Variants in PLA2G2C observed in about 807,000 individuals in gnomAD.
PLA2G2C encodes the protein phospholipase A2 group IIC, also known as putative inactive group IIC secretory phospholipase A2.
Under a neutral mutation model 14.3 loss-of-function variants are expected in PLA2G2C, and 15 were observed. That is an observed-to-expected ratio of 1.05 (90% confidence interval 0.70 to 1.62). The LOEUF is 1.62. PLA2G2C is among the 40% of genes most tolerant of loss of function. The pLI, the probability that PLA2G2C is intolerant of heterozygous loss-of-function variation, is 0.00. For synonymous variants in PLA2G2C, 79 were observed against 67.7 expected, an observed-to-expected ratio of 1.17 and a Z score of -0.82; for missense variants, 162 against 173.2, an observed-to-expected ratio of 0.94 and a Z score of 0.36.
In PLA2G2C at chr1:20,172,797, C is replaced by T. The variant is rs61745169; in HGVS notation, c.280G>A (p.Val94Ile). 10 of 1,613,064 alleles carry T rather than the reference C, an allele frequency of 6.2e-6. No homozygotes were observed. Among genetic ancestry groups the T allele is most frequent in the Non-Finnish European group, 8.5e-6 (10 of 1,179,356 alleles). Residue 94 changes from valine (V) to isoleucine (I), a missense_variant, in exon 4 of 5, where the codon GTT (valine) becomes ATT (isoleucine). Coordinates refer to ENST00000679259, the MANE Select transcript of PLA2G2C (RefSeq NM_001367969.2). Reference sequence around the variant, plus strand: ...CCATACAGAAAAGGCTACTCACAAACCACTGCGCCATTGACGATGTGGAAC... The same window carrying T: ...CCATACAGAAAAGGCTACTCACAAATCACTGCGCCATTGACGATGTGGAAC... ...YQFHIVNGAV[V>I]CGCTLGPGAS...
At chr1:20,172,504 G>A (rs2018102332) in intron 4 of PLA2G2C, among the ~76,000 whole-genome samples, 1 of 152,164 alleles carries the variant, frequency 6.6e-6, no homozygotes, top group African/African-American at 2.4e-5. Context: ...GTTGTCAAGG[G>A]AAGCTTCAAG....
At chr1:20,182,386 G>T (rs1395265348) in intron 1 of PLA2G2C, among the ~76,000 whole-genome samples, 1 of 152,164 alleles carries the variant, frequency 6.6e-6, no homozygotes, top group Non-Finnish European at 1.5e-5. Flanking sequence ...TTGCCATTGT[G>T]TTACAGTATT....
At chr1:20,176,253 A>C (rs2018182071) in intron 2 of PLA2G2C, among the ~76,000 whole-genome samples, 1 of 152,006 alleles carries the variant, frequency 6.6e-6, no homozygotes, top group African/African-American at 2.4e-5. Context: ...GGTGTTTTGA[A>C]TGTGTGTGGG....
chr1:20,168,456 G>T (rs1049201658), intron 4 of PLA2G2C, among the ~76,000 whole-genome samples: 1 of 152,160 alleles, frequency 6.6e-6, no homozygotes, highest in African/African-American at 2.4e-5. Context: ...TTGCTCTCAC[G>T]GACCTTTCTA....
At chr1:20,179,641 T>G (rs1010088669) in intron 1 of PLA2G2C, among the ~76,000 whole-genome samples, 4 of 147,024 alleles carry the variant, frequency 2.7e-5, no homozygotes, top group Non-Finnish European at 6.0e-5. Context: ...GTGTGTGTGT[T>G]AGCTTGTCCC....
At chr1:20,172,008 C>G (rs1231039257) in intron 4 of PLA2G2C, among the ~76,000 whole-genome samples, 1 of 151,808 alleles carries the variant, frequency 6.6e-6, no homozygotes, top group Non-Finnish European at 1.5e-5. Context: ...CGTGATCCGC[C>G]CGCCTCGGCC....
chr1:20,169,870 C>T lies in PLA2G2C; in HGVS notation c.283+2924G>A, dbSNP rs1171337260. Among the ~76,000 whole-genome samples, 3 of 152,364 alleles carry T rather than the reference C, an allele frequency of 2.0e-5. No homozygotes were observed. The East Asian group carries it at 5.8e-4, about 29-fold the overall frequency. On this transcript the variant is annotated intron_variant, in intron 4 of 4. Transcript: ENST00000679259. ...CTCCGGGGCCTTACAGCGAAGCAAA[C>T]TCCATCTGCCCCTCTTTCCTTCCCT...
chr1:20,163,760 T>A lies in PLA2G2C; in HGVS notation c.*231A>T. On this transcript the variant is annotated 3_prime_UTR_variant, in exon 5 of 5. Transcript: ENST00000679259. ...CCTCCCCACTCCACAGAATGCCAGC[T>A]CCTGCAGGGCAGGCATCTCATCTTT... 2 of 528,060 alleles carry A rather than the reference T, an allele frequency of 3.8e-6. No homozygotes were observed. The highest frequency in any genetic ancestry group is 6.7e-6 in the Non-Finnish European group (2 of 299,020). 32.7% of individuals were successfully genotyped at this position (528,060 alleles called of 1,614,324 possible).
At position 20,163,384 on chromosome 1, in the gene PLA2G2C, C is replaced by T. The variant is rs2017902916; in HGVS notation, c.*607G>A. ...CTCCCACAACATTCTATTGACCAAACTAAGCCACAAGACCAGTTCAGATTC... is the reference window on the plus strand; with the variant it reads ...CTCCCACAACATTCTATTGACCAAATTAAGCCACAAGACCAGTTCAGATTC... On this transcript the variant is annotated 3_prime_UTR_variant, in exon 5 of 5. Coordinates refer to ENST00000679259, the MANE Select transcript of PLA2G2C (RefSeq NM_001367969.2). 1 of 152,392 alleles carries T rather than the reference C, an allele frequency of 6.6e-6. No homozygotes were observed. The highest frequency in any genetic ancestry group is 1.5e-5 in the Non-Finnish European group (1 of 68,186). The allele number at this position is 152,392 out of a possible 1,614,324, so 9.4% of individuals were successfully genotyped here.
chr1:20,179,521 CTGTGTGTG>C (rs35039220), intron 1 of PLA2G2C, among the ~76,000 whole-genome samples: 4 of 136,514 alleles, frequency 2.9e-5, no homozygotes, highest in African/African-American at 1.1e-4. Flanking sequence ...ATGTCAGTTT[CTGTGTGTG>C]TGTGTGTGTG....
In PLA2G2C at chr1:20,172,801, T is replaced by C. The variant is rs760036027; in HGVS notation, c.276A>G (p.Ala92=). 6.2e-7 allele frequency: 1 copy of C among 1,613,384 alleles called. No individual in the cohort carries two copies. The highest frequency in any genetic ancestry group is 8.5e-7 in the Non-Finnish European group (1 of 1,179,444). The change falls in exon 4 of 5, where the codon GCA becomes GCG. Residue 92 remains alanine (A), a synonymous_variant. Coordinates refer to ENST00000679259, the MANE Select transcript of PLA2G2C (RefSeq NM_001367969.2). Reference sequence around the variant, plus strand: ...ACAGAAAAGGCTACTCACAAACCACTGCGCCATTGACGATGTGGAACTGGT... The same window carrying C: ...ACAGAAAAGGCTACTCACAAACCACCGCGCCATTGACGATGTGGAACTGGT... ...NSYQFHIVNG[A]VVCGCTLGPG... is the part of the protein sequence containing the mutation.
At chr1:20,180,157 T>G (rs1293225989) in intron 1 of PLA2G2C, among the ~76,000 whole-genome samples, 1 of 152,162 alleles carries the variant, frequency 6.6e-6, no homozygotes, top group East Asian at 1.9e-4. Flanking sequence ...CCTCTCCCCA[T>G]TCTTCCCTTG....
In PLA2G2C at chr1:20,163,204, C is replaced by A. The variant is rs537747547; in HGVS notation, c.*787G>T. On this transcript the variant is annotated 3_prime_UTR_variant, in exon 5 of 5. Coordinates refer to ENST00000679259, the MANE Select transcript of PLA2G2C (RefSeq NM_001367969.2). ...CTGAGTCTCGCTGAGCTCTCTCTCA[C>A]GTGTCTGAAATCAGCTGAGACAACT... The A allele has an allele frequency of 6.6e-6, 1 of 152,270 alleles. No individual in the cohort carries two copies. Among genetic ancestry groups the A allele is most frequent in the Non-Finnish European group, 1.5e-5 (1 of 68,074 alleles). The allele number at this position is 152,270 out of a possible 1,614,324, so 9.4% of individuals were successfully genotyped here.
At chr1:20,171,863 G>T (rs541295929) in intron 4 of PLA2G2C, among the ~76,000 whole-genome samples, 1 of 146,628 alleles carries the variant, frequency 6.8e-6, no homozygotes, top group Non-Finnish European at 1.5e-5. Context: ...CCGGGTTCAC[G>T]CCATTCTCCT....
chr1:20,164,837 T>A (rs1023031730), intron 4 of PLA2G2C, among the ~76,000 whole-genome samples: 1 of 152,248 alleles, frequency 6.6e-6, no homozygotes, highest in Non-Finnish European at 1.5e-5. Context: ...CCCGCTAATC[T>A]TCTCTGTGTT....
intron 1 of PLA2G2C, 182 bp downstream of exon 1, chr1:20,186,178 G>C (rs1347914097): frequency 6.6e-6 from 1 of 152,524 alleles, no homozygotes; most frequent in Non-Finnish European, 1.5e-5. Flanking sequence ...CCGATCCCGC[G>C]GCCTGCCCTT....
chr1:20,184,244 T>C (rs1326936493), intron 1 of PLA2G2C: 1 of 150,934 alleles, frequency 6.6e-6, no homozygotes, highest in Non-Finnish European at 1.5e-5. Flanking sequence ...GAAGCCAATT[T>C]GATTCTCCAA....
At chr1:20,182,367 G>A (rs1433255757) in intron 1 of PLA2G2C, among the ~76,000 whole-genome samples, 1 of 152,018 alleles carries the variant, frequency 6.6e-6, no homozygotes, top group African/African-American at 2.4e-5. Flanking sequence ...ACTTACTATT[G>A]TGTTACAATT....
chr1:20,172,308 G>A (rs1339187450), intron 4 of PLA2G2C, among the ~76,000 whole-genome samples: 4 of 152,160 alleles, frequency 2.6e-5, no homozygotes, highest in African/African-American at 9.7e-5. Flanking sequence ...ATGGCTCCTT[G>A]AATGGTCTCA....
Sources: allele counts gnomAD v4.1 joint callset (sites outside exome capture counted in the v4.1 genomes callset), GRCh38; gene constraint gnomAD v4.1.1; transcripts MANE v1.5; gene names NCBI Gene and HGNC (gene_info 2026-07-23, HGNC 2026-07-21).